The following PDE4B variants were observed in gnomAD, a reference collection of about 807,000 sequenced individuals.
PDE4B encodes 3',5'-cyclic-AMP phosphodiesterase 4B.
PDE4B carries 20 observed loss-of-function variants against 82.2 expected under a neutral mutation model. The ratio of observed to expected loss-of-function variants is 0.24; its 90% CI spans 0.17 to 0.35. PDE4B has a LOEUF of 0.35. Ranked by LOEUF, PDE4B falls within the 10% of genes least tolerant of loss-of-function variation. The pLI is 1.00. For synonymous variants in PDE4B, 320 were observed against 318.9 expected, an observed-to-expected ratio of 1.00 and a Z score of -0.04; for missense variants, 655 against 907.2, an observed-to-expected ratio of 0.72 and a Z score of 3.57.
intron 3 of PDE4B, among the ~76,000 whole-genome samples, chr1:66,206,164 C>T (rs546813589): frequency 2.0e-5 from 3 of 152,318 alleles, no homozygotes; most frequent in East Asian, 1.9e-4. Flanking sequence ...TAGGCACTCT[C>T]GGACCTGGAT....
At position 66,156,366 on chromosome 1, in the gene PDE4B, A is replaced by G. The variant is rs539988746; in HGVS notation, c.282-91094A>G. On this transcript the variant is annotated intron_variant, in intron 3 of 16. Coordinates refer to ENST00000341517, the MANE Select transcript of PDE4B (RefSeq NM_002600.4). Reference sequence around the variant, plus strand: ...GTCATCATAAATATTTATAATAGGGACATGATACAATGTTTTGTGAGACAT... The same window carrying G: ...GTCATCATAAATATTTATAATAGGGGCATGATACAATGTTTTGTGAGACAT... 4.6e-5 allele frequency among the ~76,000 whole-genome samples: 7 copies of G among 152,322 alleles called. 1 individual carries two copies. The highest frequency in any genetic ancestry group is 1.7e-4 in the African/African-American group (7 of 41,580).
chr1:66,035,798 T>A (rs1201820203), intron 3 of PDE4B, among the ~76,000 whole-genome samples: 3 of 152,194 alleles, frequency 2.0e-5, no homozygotes, highest in African/African-American at 7.2e-5. Flanking sequence ...ATTGCTGCAA[T>A]GAATATGGGA....
At chr1:66,316,111 A>G (rs1659011497) in intron 7 of PDE4B, among the ~76,000 whole-genome samples, 2 of 152,252 alleles carry the variant, frequency 1.3e-5, no homozygotes, top group Admixed American at 1.3e-4. Flanking sequence ...TCATTCAATA[A>G]GTTCAATCAG....
chr1:66,283,450 G>T (rs1168530651), intron 7 of PDE4B, among the ~76,000 whole-genome samples: 1 of 151,940 alleles, frequency 6.6e-6, no homozygotes, highest in African/African-American at 2.4e-5. Context: ...GGTCTTGTTT[G>T]CTGGCACTTA....
intron 3 of PDE4B, among the ~76,000 whole-genome samples, chr1:66,155,458 T>A (rs1646484194): frequency 6.6e-6 from 1 of 152,180 alleles, no homozygotes; most frequent in African/African-American, 2.4e-5. Context: ...TTCATACTTA[T>A]TTTAATCTTT....
At chr1:66,361,923 T>G in intron 10 of PDE4B, 130 bp downstream of exon 10, 1 of 691,870 alleles carries the variant, frequency 1.4e-6, no homozygotes, top group Non-Finnish European at 2.3e-6. Flanking sequence ...GAAGCTCATA[T>G]GAAATGACTT....
intron 3 of PDE4B, among the ~76,000 whole-genome samples, chr1:66,038,876 T>C (rs1165465729): frequency 6.6e-6 from 1 of 152,136 alleles, no homozygotes; most frequent in Non-Finnish European, 1.5e-5. Flanking sequence ...AAAATTATCT[T>C]CTATGTTTTC....
chr1:66,354,759 G>T (rs958875027), intron 8 of PDE4B: 1 of 1,510,274 alleles, frequency 6.6e-7, no homozygotes, highest in Non-Finnish European at 8.8e-7. Context: ...AATCTGCAGG[G>T]CTTTCCTGAT....
intron 13 of PDE4B, among the ~76,000 whole-genome samples, chr1:66,366,268 T>A (rs1016750342): frequency 1.4e-4 from 21 of 152,128 alleles, no homozygotes; most frequent in African/African-American, 5.1e-4. Context: ...CATTAAAAGT[T>A]CCATACATTT....
intron 7 of PDE4B, among the ~76,000 whole-genome samples, chr1:66,274,557 G>A (rs2101758910): frequency 6.6e-6 from 1 of 152,266 alleles, no homozygotes; most frequent in East Asian, 1.9e-4. Context: ...TAAGAGTGAA[G>A]ACTCTGGAGT....
chr1:65,967,687 C>T (rs898751527), intron 3 of PDE4B, among the ~76,000 whole-genome samples: 1 of 152,004 alleles, frequency 6.6e-6, no homozygotes, highest in Non-Finnish European at 1.5e-5. Context: ...TACTACGCAG[C>T]CATAAAAAAG....
At chr1:66,347,356 A>G (rs1292366144) in intron 8 of PDE4B, among the ~76,000 whole-genome samples, 1 of 152,200 alleles carries the variant, frequency 6.6e-6, no homozygotes, top group Non-Finnish European at 1.5e-5. Flanking sequence ...TGTCTATTTT[A>G]TGTTATGAAA....
chr1:65,885,026 C>A (rs1337100748), intron 1 of PDE4B, among the ~76,000 whole-genome samples: 1 of 152,130 alleles, frequency 6.6e-6, no homozygotes, highest in Admixed American at 6.5e-5. Context: ...AAAAAACAAA[C>A]AACCCCATCA....
At chr1:66,195,279 G>A (rs187302660) in intron 3 of PDE4B, among the ~76,000 whole-genome samples, 2 of 152,272 alleles carry the variant, frequency 1.3e-5, no homozygotes, top group African/African-American at 4.8e-5. Context: ...GAGCTTCCAT[G>A]ACCTTGTGTT....
intron 3 of PDE4B, among the ~76,000 whole-genome samples, chr1:66,153,221 C>A (rs1646438095): frequency 6.6e-6 from 1 of 152,276 alleles, no homozygotes; most frequent in African/African-American, 2.4e-5. Context: ...TTTTCTCCAT[C>A]CCTACTCTAG....
At chr1:66,217,272 A>T (rs1650537856) in intron 3 of PDE4B, among the ~76,000 whole-genome samples, 1 of 152,116 alleles carries the variant, frequency 6.6e-6, no homozygotes, top group African/African-American at 2.4e-5. Flanking sequence ...TCTGGCTGGG[A>T]TTGTAAATGA....
chr1:66,209,988 G>A (rs935288411), intron 3 of PDE4B, among the ~76,000 whole-genome samples: 2 of 151,988 alleles, frequency 1.3e-5, no homozygotes, highest in Non-Finnish European at 2.9e-5. Context: ...ATGAGCGTTC[G>A]TATCCCAGTT....
chr1:66,266,539 T>G (rs927485595), intron 7 of PDE4B: 5 of 368,108 alleles, frequency 1.4e-5, no homozygotes, highest in Middle Eastern at 6.8e-4. Flanking sequence ...CTACATCCTT[T>G]CCAGGTGTGA....
intron 3 of PDE4B, among the ~76,000 whole-genome samples, chr1:66,177,345 G>A (rs1003611769): frequency 4.6e-5 from 7 of 152,178 alleles, no homozygotes; most frequent in Non-Finnish European, 1.0e-4. Context: ...TTAGAATGGT[G>A]TTTAGCACAT....
Sources: gnomAD v4.1 joint callset for allele counts (sites outside exome capture counted in the v4.1 genomes callset) on GRCh38, gnomAD v4.1.1 for gene constraint, MANE v1.5 for transcripts, NCBI Gene and HGNC (gene_info 2026-07-23, HGNC 2026-07-21) for gene names.